The following INPP5D variants were observed in gnomAD, a reference collection of about 807,000 sequenced individuals.
The protein encoded by INPP5D is phosphatidylinositol 3,4,5-trisphosphate 5-phosphatase 1.
INPP5D carries 33 observed loss-of-function variants against 122.9 expected under a neutral mutation model. The ratio of observed to expected loss-of-function variants is 0.27; its 90% CI spans 0.20 to 0.36. INPP5D has a LOEUF of 0.36. Ranked by LOEUF, INPP5D falls within the 10% of genes least tolerant of loss-of-function variation. The probability of loss-of-function intolerance (pLI) is 1.00; values close to 1 mark genes in which losing one functional copy is unlikely to be tolerated. For synonymous variants in INPP5D, 584 were observed against 576.2 expected, an observed-to-expected ratio of 1.01 and a Z score of -0.19; for missense variants, 1,053 against 1,412.7, an observed-to-expected ratio of 0.75 and a Z score of 4.08.
chr2:233,187,504 G>T (rs1694953352), intron 21 of INPP5D, among the ~76,000 whole-genome samples: 1 of 152,204 alleles, frequency 6.6e-6, no homozygotes, highest in African/African-American at 2.4e-5. Flanking sequence ...GGGGTAGGAT[G>T]TTGGCAGGTT....
chr2:233,163,109 C>T (rs2106294675), intron 11 of INPP5D, among the ~76,000 whole-genome samples: 1 of 152,310 alleles, frequency 6.6e-6, no homozygotes, highest in South Asian at 2.1e-4. Flanking sequence ...GCAAGAAGCT[C>T]ATCTCTTTGA....
rs79615000 is a variant in INPP5D at position 233,170,907 on chromosome 2, A to G, written c.1901-157A>G. Among the ~76,000 whole-genome samples, 1 of 10,652 alleles carries G rather than the reference A, an allele frequency of 9.4e-5. No individual in the cohort carries two copies. The highest frequency in any genetic ancestry group is 1.1e-4 in the African/African-American group (1 of 8,698). 7.0% of individuals were successfully genotyped at this position (10,652 alleles called of 152,430 possible). A position where few individuals can be genotyped will look rare whatever the true frequency, so the allele number is the denominator to read the frequency against. On this transcript the variant is annotated intron_variant, in intron 16 of 26. Coordinates refer to ENST00000445964, the MANE Select transcript of INPP5D (RefSeq NM_001017915.3). This position sits in a 1 kb window ranked among gnomAD's most constrained non-coding sequence, Gnocchi z 4.5. ...GCCAACAAAGACAGACTCCGTCTCA[A>G]AAAAAAAAAAAAAAAAAGCAGCAGC...
chr2:233,110,204 A>G (rs186531047), intron 2 of INPP5D, among the ~76,000 whole-genome samples: 4 of 151,952 alleles, frequency 2.6e-5, no homozygotes, highest in African/African-American at 9.6e-5. Flanking sequence ...GGTACACACC[A>G]CCATGCCTGA....
In INPP5D at chr2:233,204,180, G is replaced by C. The variant is rs763570102; in HGVS notation, c.3030G>C (p.Pro1010=). The change falls in exon 26 of 27, where the codon CCG becomes CCC. Residue 1010 remains proline, a synonymous_variant. Coordinates refer to ENST00000445964, the MANE Select transcript of INPP5D (RefSeq NM_001017915.3). ...ACACGCTGCCTCAGGAGGACCTGCCGCTGACGAAGCCCGAGATGTTTGAGA... is the reference window on the plus strand; with the variant it reads ...ACACGCTGCCTCAGGAGGACCTGCCCCTGACGAAGCCCGAGATGTTTGAGA... ...AGDTLPQEDL[P]LTKPEMFENP... The C allele has an allele frequency of 1.2e-6, 2 of 1,606,658 alleles. No homozygotes were observed. Among genetic ancestry groups the C allele is most frequent in the Non-Finnish European group, 1.7e-6 (2 of 1,176,940 alleles).
intron 2 of INPP5D, among the ~76,000 whole-genome samples, chr2:233,103,844 T>C (rs1292844624): frequency 1.3e-5 from 2 of 149,524 alleles, no homozygotes; most frequent in East Asian, 1.9e-4. Flanking sequence ...GTAGCTGGGA[T>C]TACAGGCATG....
At position 233,102,187 on chromosome 2, in the gene INPP5D, G is replaced by A. The variant is rs116621279; in HGVS notation, c.199-19920G>A. On this transcript the variant is annotated intron_variant, in intron 2 of 26. Coordinates refer to ENST00000445964, the MANE Select transcript of INPP5D (RefSeq NM_001017915.3). ...TAAGATTGACATTCGTAGCTGACATGGTGTTTTAAAACTTAGTCACAAACA... is the reference window on the plus strand; with the variant it reads ...TAAGATTGACATTCGTAGCTGACATAGTGTTTTAAAACTTAGTCACAAACA... Among the ~76,000 whole-genome samples, 1,229 of 152,208 alleles carry A rather than the reference G, an allele frequency of 8.1e-3. 9 individuals carry two copies. Among genetic ancestry groups the A allele is most frequent in the African/African-American group, 0.026 (1,096 of 41,506 alleles).
intron 9 of INPP5D, among the ~76,000 whole-genome samples, chr2:233,149,562 C>A (rs1292412930): frequency 3.3e-5 from 5 of 152,246 alleles, no homozygotes; most frequent in Middle Eastern, 3.4e-3. Context: ...GGCTCTATAA[C>A]CTGCTTTAGA....
chr2:233,205,144 A>G (rs189347571), intron 26 of INPP5D: 1 of 160,760 alleles, frequency 6.2e-6, no homozygotes, highest in African/African-American at 2.4e-5. Context: ...CAGGAGATCG[A>G]GACCATCCTG....
rs746518935 is a variant in INPP5D, at chr2:233,125,706, C to T, written c.350-39C>T. ...TGCGGTGAAGGCCGGGTTGTGCGCA[C>T]AGTGTCCTCACCAATGGCCTTCCTG... is the stretch of plus-strand genomic sequence containing the variant. On this transcript the variant is annotated intron_variant, in intron 3 of 26. Transcript: ENST00000445964. The T allele has an allele frequency of 2.5e-6, 4 of 1,580,910 alleles. No homozygotes were observed. The Admixed American group carries it at 7.1e-5, about 28-fold the overall frequency.
chr2:233,132,529 G>A (rs534223204), intron 5 of INPP5D, among the ~76,000 whole-genome samples: 5 of 152,288 alleles, frequency 3.3e-5, no homozygotes, highest in East Asian at 1.9e-4. Flanking sequence ...TTGCACACTC[G>A]TCTTTGCTTT....
chr2:233,107,088 C>A (rs1009729604), intron 2 of INPP5D, among the ~76,000 whole-genome samples: 1 of 152,136 alleles, frequency 6.6e-6, no homozygotes, highest in African/African-American at 2.4e-5. Flanking sequence ...TCTCAACATC[C>A]CAGTGGGAAT....
intron 26 of INPP5D, 176 bp downstream of exon 26, chr2:233,204,893 A>C: frequency 9.2e-7 from 1 of 1,088,304 alleles, no homozygotes; most frequent in Non-Finnish European, 1.2e-6. Context: ...GAACTGCTCC[A>C]TGAGAAGGGA....
chr2:233,201,386 C>T (rs35786770), intron 25 of INPP5D, among the ~76,000 whole-genome samples: 3,465 of 152,332 alleles, frequency 0.023, 57 homozygotes, highest in Non-Finnish European at 0.033. Flanking sequence ...GGAGCATGCT[C>T]CCCACAGCCC....
At chr2:233,083,649 T>C (rs1424056954) in intron 2 of INPP5D, among the ~76,000 whole-genome samples, 1 of 152,228 alleles carries the variant, frequency 6.6e-6, no homozygotes, top group Non-Finnish European at 1.5e-5. Context: ...CTTGAGCTGC[T>C]CGCTGCAGAC....
chr2:233,177,466 T>C lies in INPP5D; in HGVS notation c.2071+120T>C. 2 of 1,536,908 alleles carry C rather than the reference T, an allele frequency of 1.3e-6. No homozygotes were observed. The highest frequency in any genetic ancestry group is 1.8e-6 in the Non-Finnish European group (2 of 1,126,302). On this transcript the variant is annotated intron_variant, in intron 18 of 26. Coordinates refer to ENST00000445964, the MANE Select transcript of INPP5D (RefSeq NM_001017915.3). The surrounding 1 kb of genome is among the most constrained non-coding windows in gnomAD (Gnocchi z 4.2). The stretch of plus-strand genomic sequence containing the variant: ...TGATGTGTCAAAGGGAGGAATTCAC[T>C]GTAACCCTAATCAGGCGACCTGGAA...
intron 2 of INPP5D, among the ~76,000 whole-genome samples, chr2:233,083,537 C>A (rs972240202): frequency 1.3e-5 from 2 of 152,198 alleles, no homozygotes; most frequent in Non-Finnish European, 2.9e-5. Flanking sequence ...GCCCCGCAGG[C>A]CTGACTGTCC....
chr2:233,161,010 T>C (rs937913340), intron 10 of INPP5D, among the ~76,000 whole-genome samples: 3 of 152,184 alleles, frequency 2.0e-5, no homozygotes, highest in African/African-American at 4.8e-5. Flanking sequence ...AAAATATATA[T>C]TGTGGCCACC....
At position 233,198,139 on chromosome 2, in the gene INPP5D, C is replaced by G. The variant is rs1488506591; in HGVS notation, c.2738C>G (p.Pro913Arg). ...SGSSITEIIN[P>R]NYMGVGPFGP... is the part of the protein sequence containing the mutation. ...TCCAGCATCACTGAAATCATCAACCCCAACTACATGGGAGTGGGGCCCTTT... is the reference window on the plus strand; with the variant it reads ...TCCAGCATCACTGAAATCATCAACCGCAACTACATGGGAGTGGGGCCCTTT... The change falls in exon 25 of 27, where the codon CCC becomes CGC. Residue 913 changes from proline to arginine, a missense_variant. Physicochemically the swap from Pro to Arg is moderately radical, Grantham distance 103 (BLOSUM62 -2). Coordinates refer to ENST00000445964, the MANE Select transcript of INPP5D (RefSeq NM_001017915.3). The G allele has an allele frequency of 6.2e-7, 1 of 1,613,092 alleles. No homozygotes were observed. The highest frequency in any genetic ancestry group is 1.7e-4 in the Middle Eastern group (1 of 6,058).
intron 25 of INPP5D, among the ~76,000 whole-genome samples, chr2:233,202,711 T>C (rs557734964): frequency 2.0e-5 from 3 of 152,356 alleles, no homozygotes; most frequent in Admixed American, 2.0e-4. Flanking sequence ...AACACTCCCC[T>C]GGGAGATTCT....
Sources: gnomAD v4.1 joint callset for allele counts (sites outside exome capture counted in the v4.1 genomes callset) on GRCh38, gnomAD v4.1.1 for gene constraint, Gnocchi (gnomAD v3.1) non-coding constraint, MANE v1.5 for transcripts, NCBI Gene and HGNC (gene_info 2026-07-23, HGNC 2026-07-21) for gene names.